Variants in MALRD1 observed in about 807,000 individuals in gnomAD.
MALRD1 encodes MAM and LDL-receptor class A domain-containing protein 1.
Under a neutral mutation model 242.1 loss-of-function variants are expected in MALRD1, and 247 were observed. The observed-to-expected ratio is 1.02, with a 90% CI of 0.92 to 1.13. MALRD1 has a LOEUF of 1.13. MALRD1 is among the 50% of genes most tolerant of loss of function. The pLI is 0.00. For synonymous variants in MALRD1, 995 were observed against 866.6 expected, an observed-to-expected ratio of 1.15 and a Z score of -2.60; for missense variants, 2,989 against 2,533.1, an observed-to-expected ratio of 1.18 and a Z score of -3.86.
intron 4 of MALRD1, among the ~76,000 whole-genome samples, chr10:19,095,222 T>C (rs1370387718): frequency 6.6e-6 from 1 of 152,192 alleles, no homozygotes; most frequent in Admixed American, 6.5e-5. Context: ...AGGATATTCA[T>C]TGTAAAAGTT....
intron 14 of MALRD1, among the ~76,000 whole-genome samples, chr10:19,185,756 G>A (rs990225013): frequency 1.3e-5 from 2 of 151,660 alleles, no homozygotes; most frequent in Non-Finnish European, 2.9e-5. Flanking sequence ...TTACATAAAT[G>A]CATTAAGAGA....
intron 5 of MALRD1, among the ~76,000 whole-genome samples, chr10:19,122,990 G>A (rs573886179): frequency 6.6e-6 from 1 of 152,204 alleles, no homozygotes; most frequent in South Asian, 2.1e-4. Flanking sequence ...CCTCCCAAAG[G>A]CCAGCCCATG....
chr10:19,219,015 T>C (rs1369039247), intron 18 of MALRD1, among the ~76,000 whole-genome samples: 1 of 152,150 alleles, frequency 6.6e-6, no homozygotes, highest in Non-Finnish European at 1.5e-5. Flanking sequence ...CCCGCCAGTC[T>C]GAAAAATGTG....
At chr10:19,626,821 T>A (rs1330457644) in intron 36 of MALRD1, among the ~76,000 whole-genome samples, 1 of 152,164 alleles carries the variant, frequency 6.6e-6, no homozygotes, top group Non-Finnish European at 1.5e-5. Flanking sequence ...ATTGGCTAAT[T>A]AAATCTAGTT....
intron 31 of MALRD1, among the ~76,000 whole-genome samples, chr10:19,525,069 T>G (rs2131328755): frequency 6.8e-6 from 1 of 147,388 alleles, no homozygotes; most frequent in Middle Eastern, 3.5e-3. Flanking sequence ...CATGCCCAGC[T>G]AATTTTTTTT....
At chr10:19,730,445 A>G in intron 38 of MALRD1, 1 of 489,448 alleles carries the variant, frequency 2.0e-6, no homozygotes, top group Non-Finnish European at 3.7e-6. Context: ...AACTTTTGCA[A>G]TTTCTTTTAT....
chr10:19,120,778 C>G (rs1304483170), intron 5 of MALRD1, among the ~76,000 whole-genome samples: 1 of 152,178 alleles, frequency 6.6e-6, no homozygotes, highest in Non-Finnish European at 1.5e-5. Flanking sequence ...GAGTTTCGCT[C>G]TTGTTGCCCA....
At chr10:19,495,639 C>G (rs1469545967) in intron 30 of MALRD1, among the ~76,000 whole-genome samples, 2 of 152,088 alleles carry the variant, frequency 1.3e-5, no homozygotes, top group Non-Finnish European at 2.9e-5. Flanking sequence ...AGTACACAGA[C>G]CAGTGACACT....
rs146294538 is a variant in MALRD1 at position 19,229,585 on chromosome 10, G to A, written c.2991+19905G>A. 3.9e-5 allele frequency among the ~76,000 whole-genome samples: 6 copies of A among 152,100 alleles called. No individual in the cohort carries two copies. In the East Asian group the frequency reaches 5.8e-4, roughly 15 times the overall value. ...TTGTGTAATCCAAATTTATTCTCTC[G>A]TTTAGTCGCTTCCACCCATAGAAAA... On this transcript the variant is annotated intron_variant, in intron 18 of 39. Transcript: ENST00000454679.
In MALRD1 at chr10:19,650,678, A is replaced by G. The variant is rs116317567; in HGVS notation, c.6137+34755A>G. The stretch of plus-strand genomic sequence containing the variant: ...AAAGTAGGAGATAGGGAGTTTCTCA[A>G]TTATAGGGAGGTGTAAAGTCAATAA... On this transcript the variant is annotated intron_variant, in intron 36 of 39. Coordinates refer to ENST00000454679, the MANE Select transcript of MALRD1 (RefSeq NM_001142308.3). 7.8e-3 allele frequency among the ~76,000 whole-genome samples: 1,182 copies of G among 152,282 alleles called. 15 individuals are homozygous for G. The highest frequency in any genetic ancestry group is 0.026 in the African/African-American group (1,068 of 41,558).
At chr10:19,529,707 A>G (rs1834264219) in intron 31 of MALRD1, among the ~76,000 whole-genome samples, 1 of 152,142 alleles carries the variant, frequency 6.6e-6, no homozygotes, top group Non-Finnish European at 1.5e-5. Flanking sequence ...ACAAGACCCA[A>G]CTATATATTG....
chr10:19,512,604 G>A (rs61841392), intron 31 of MALRD1, among the ~76,000 whole-genome samples: 14,711 of 152,156 alleles, frequency 0.097, 735 homozygotes, highest in South Asian at 0.11. Context: ...TCCTATACAG[G>A]AAAGCTTCTG....
intron 18 of MALRD1, among the ~76,000 whole-genome samples, chr10:19,227,335 C>A (rs4351724): frequency 6.6e-6 from 1 of 151,820 alleles, no homozygotes; most frequent in Non-Finnish European, 1.5e-5. Flanking sequence ...GAAATATATC[C>A]AGCCTTACAT....
In MALRD1 at chr10:19,502,479, A is replaced by G. The variant is rs74876639; in HGVS notation, c.5320+3833A>G. On this transcript the variant is annotated intron_variant, in intron 31 of 39. Coordinates refer to ENST00000454679, the MANE Select transcript of MALRD1 (RefSeq NM_001142308.3). ...GCACAGCATAGTTTTATAGTATTTT[A>G]CTTTTTGAAAATATCAAAATTTATA... Among the ~76,000 whole-genome samples the G allele has an allele frequency of 2.4e-3, 368 of 152,246 alleles. 7 individuals are homozygous for G. The East Asian group carries it at 0.05, about 21-fold the overall frequency.
At chr10:19,543,433 CTTTTTTTT>C (rs71388849) in intron 32 of MALRD1, among the ~76,000 whole-genome samples, 1 of 106,410 alleles carries the variant, frequency 9.4e-6, no homozygotes, top group African/African-American at 3.4e-5. Context: ...CAGCTGATTT[CTTTTTTTT>C]TTTTTTTTTT....
chr10:19,146,344 G>A lies in MALRD1; in HGVS notation c.1558G>A (p.Gly520Arg), dbSNP rs1315599134. The change falls in exon 11 of 40, where the codon GGA (glycine) becomes AGA (arginine). Residue 520 changes from glycine (G) to arginine (R), a missense_variant and splice_region_variant. By Grantham distance (125) the Gly-to-Arg change is moderately radical. Transcript: ENST00000454679. Reference protein sequence around the residue: ...AADHTANINHGSFIYLEAQRS... With the variant: ...AADHTANINHRSFIYLEAQRS... ...TGATCACACAGCAAACATAAATCAT[G>A]GTAGGACATTTTCCTCTTTAAAAAA... The A allele has an allele frequency of 1.6e-6, 2 of 1,230,808 alleles. No homozygotes were observed. Among genetic ancestry groups the A allele is most frequent in the East Asian group, 3.2e-5 (1 of 31,708 alleles). 76.2% of individuals were successfully genotyped at this position (1,230,808 alleles called of 1,614,324 possible). A position where few individuals can be genotyped will look rare whatever the true frequency, so the allele number is the denominator to read the frequency against.
chr10:19,349,254 C>T (rs1353363564), intron 25 of MALRD1, among the ~76,000 whole-genome samples: 2 of 152,204 alleles, frequency 1.3e-5, no homozygotes, highest in African/African-American at 2.4e-5. Flanking sequence ...AGCCCCTGCG[C>T]CCAGCCCAAC....
intron 21 of MALRD1, among the ~76,000 whole-genome samples, chr10:19,297,073 G>T (rs1188918709): frequency 6.7e-6 from 1 of 149,710 alleles, no homozygotes; most frequent in Non-Finnish European, 1.5e-5. Flanking sequence ...CTTTTCTCTT[G>T]GTATTATCTT....
intron 21 of MALRD1, among the ~76,000 whole-genome samples, chr10:19,309,578 G>A (rs1842347390): frequency 6.6e-6 from 1 of 151,548 alleles, no homozygotes; most frequent in South Asian, 2.1e-4. Context: ...AAGACAGATT[G>A]AAAGTAAGTA....
Sources: allele counts gnomAD v4.1 joint callset (sites outside exome capture counted in the v4.1 genomes callset), GRCh38; gene constraint gnomAD v4.1.1; transcripts MANE v1.5; gene names NCBI Gene and HGNC (gene_info 2026-07-23, HGNC 2026-07-21).